The following EDRF1 variants were observed in gnomAD, a reference collection of about 807,000 sequenced individuals.
The protein encoded by EDRF1 is erythroid differentiation-related factor 1.
A neutral mutation model predicts 148.7 loss-of-function variants in EDRF1; 69 were observed. The observed-to-expected ratio is 0.46, with a 90% CI of 0.38 to 0.57. EDRF1 has a LOEUF of 0.57. Among genes scored for constraint, EDRF1 ranks in the 20% least tolerant of loss-of-function variants. EDRF1 has a pLI of 0.00. For synonymous variants in EDRF1, 515 were observed against 532.8 expected (o/e 0.97, Z 0.46); for missense variants, 1,118 against 1,478.7 (o/e 0.76, Z 4.00).
At chr10:125,755,256 A>G (rs1215861775) in intron 24 of EDRF1, among the ~76,000 whole-genome samples, 3 of 152,214 alleles carry the variant, frequency 2.0e-5, no homozygotes, top group Non-Finnish European at 4.4e-5. Flanking sequence ...ATTTATTGAG[A>G]TGACTACATG....
chr10:125,740,940 C>A, intron 16 of EDRF1, 61 bp from the exon 17 acceptor site: 1 of 1,521,130 alleles, frequency 6.6e-7, no homozygotes, highest in Non-Finnish European at 9.1e-7. Context: ...TTCATATTTC[C>A]TATGATCATT....
chr10:125,737,791 T>C lies in EDRF1; in HGVS notation c.1759-127T>C, dbSNP rs1848815268. On this transcript the variant is annotated intron_variant, in intron 13 of 24. Coordinates refer to ENST00000356792, the MANE Select transcript of EDRF1 (RefSeq NM_001202438.2). ...TTGTAAGTACTTAAAGCAACATATA[T>C]GTTGTAGGATCTTTTTAAGCAAGAT... The C allele has an allele frequency of 2.0e-5, 18 of 890,824 alleles. No homozygotes were observed. In the South Asian group the frequency reaches 2.1e-4, roughly 10 times the overall value. The allele number at this position is 890,824 out of a possible 1,614,324, so 55.2% of individuals were successfully genotyped here.
At position 125,740,517 on chromosome 10, in the gene EDRF1, C is replaced by G. The variant is rs1589844706; in HGVS notation, c.2036C>G (p.Ser679Cys). ...YSSQSGMIPG[S>C]WQHKMKLQLI... The stretch of plus-strand genomic sequence containing the variant: ...AGTCAATCTGGAATGATCCCTGGCT[C>G]TTGGCAACATAAAATGAAACTTCAG... The change falls in exon 16 of 25, where the codon TCT becomes TGT. Residue 679 changes from serine to cysteine, a missense_variant. Ser to Cys is a moderately radical substitution (Grantham distance 112). Transcript: ENST00000356792. 1 of 1,614,078 alleles carries G rather than the reference C, an allele frequency of 6.2e-7. No homozygotes were observed. Among genetic ancestry groups the G allele is most frequent in the Non-Finnish European group, 8.5e-7 (1 of 1,180,024 alleles).
intron 9 of EDRF1, among the ~76,000 whole-genome samples, chr10:125,732,156 G>A (rs12360026): frequency 6.6e-6 from 1 of 152,140 alleles, no homozygotes; most frequent in Non-Finnish European, 1.5e-5. Flanking sequence ...GTATGATTCT[G>A]GTTTGCAGTC....
intron 24 of EDRF1, among the ~76,000 whole-genome samples, chr10:125,755,370 CT>C (rs1490030838): frequency 1.3e-5 from 2 of 152,126 alleles, no homozygotes; most frequent in African/African-American, 4.8e-5. Context: ...ATGAAGGATT[CT>C]TTTTATGTAT....
At chr10:125,722,731 T>C (rs1848068486) in intron 2 of EDRF1, among the ~76,000 whole-genome samples, 1 of 152,198 alleles carries the variant, frequency 6.6e-6, no homozygotes, top group Non-Finnish European at 1.5e-5. Context: ...GAATAAAGTT[T>C]TGAACTATTT....
Position 125,738,005 on chromosome 10 carries a change from G to A in EDRF1, c.1830+16G>A. 6.2e-7 allele frequency: 1 copy of A among 1,612,106 alleles called. No individual in the cohort carries two copies. The highest frequency in any genetic ancestry group is 8.5e-7 in the Non-Finnish European group (1 of 1,178,298). On this transcript the variant is annotated intron_variant, in intron 14 of 24. Transcript: ENST00000356792. ...TGTTCTAGAGGTAAGTTTAAGTTTA[G>A]TCTTCACTTTTTTCGTAAAGTTTGT...
At chr10:125,725,659 T>G in intron 5 of EDRF1, 23 bp from the exon 6 acceptor site, 4 of 1,613,766 alleles carry the variant, frequency 2.5e-6, no homozygotes, top group Non-Finnish European at 3.4e-6. Context: ...ACAGCAATCC[T>G]TTTTTATTTC....
chr10:125,754,584 C>A (rs1486765984), intron 24 of EDRF1, among the ~76,000 whole-genome samples: 1 of 152,180 alleles, frequency 6.6e-6, no homozygotes, highest in Non-Finnish European at 1.5e-5. Flanking sequence ...GAGAGAAGAG[C>A]GCACACCTCC....
At chr10:125,730,956 C>A (rs1165909285) in intron 9 of EDRF1, among the ~76,000 whole-genome samples, 1 of 152,050 alleles carries the variant, frequency 6.6e-6, no homozygotes, top group African/African-American at 2.4e-5. Context: ...CCAACCTGGG[C>A]AACGTAGTGA....
At position 125,751,429 on chromosome 10, in the gene EDRF1, A is replaced by G. The variant is rs867080828; in HGVS notation, c.3278-1370A>G. 3.4e-5 allele frequency among the ~76,000 whole-genome samples: 4 copies of G among 117,566 alleles called. No individual in the cohort carries two copies. In the Admixed American group the frequency reaches 3.6e-4, roughly 11 times the overall value. 77.1% of individuals were successfully genotyped at this position (117,566 alleles called of 152,430 possible). ...GTTTTTTTTTTTGTTTTTTTTTTCT[A>G]GTACATATGATTCAGACCTCCCTTC... On this transcript the variant is annotated intron_variant, in intron 22 of 24. Coordinates refer to ENST00000356792, the MANE Select transcript of EDRF1 (RefSeq NM_001202438.2).
At chr10:125,729,820 C>T (rs1223067404) in intron 8 of EDRF1, among the ~76,000 whole-genome samples, 1 of 152,182 alleles carries the variant, frequency 6.6e-6, no homozygotes, top group Non-Finnish European at 1.5e-5. Context: ...CTGGCCTAGT[C>T]TTAGGTCTGA....
At chr10:125,749,265 G>T in intron 21 of EDRF1, 147 bp from the exon 22 acceptor site, 1 of 874,758 alleles carries the variant, frequency 1.1e-6, no homozygotes, top group Non-Finnish European at 1.8e-6. Flanking sequence ...AAAAAAGAAA[G>T]GAAATGGATT....
chr10:125,740,794 C>T (rs1848979286), intron 16 of EDRF1, 143 bp downstream of exon 16: 2 of 1,125,488 alleles, frequency 1.8e-6, no homozygotes, highest in Non-Finnish European at 2.6e-6. Context: ...TGTGTGTTAC[C>T]TTCTATTTTA....
At chr10:125,727,757 C>G (rs907356502) in intron 6 of EDRF1, among the ~76,000 whole-genome samples, 1 of 152,170 alleles carries the variant, frequency 6.6e-6, no homozygotes, top group Non-Finnish European at 1.5e-5. Flanking sequence ...AAGCAACACA[C>G]GCATGCCTGT....
intron 24 of EDRF1, among the ~76,000 whole-genome samples, chr10:125,759,458 A>G (rs767586281): frequency 2.0e-5 from 3 of 151,956 alleles, no homozygotes; most frequent in Non-Finnish European, 4.4e-5. Context: ...ATGAATAGAA[A>G]CTTCTTTCAA....
intron 3 of EDRF1, among the ~76,000 whole-genome samples, chr10:125,723,585 G>GT (rs1466044667): frequency 2.0e-5 from 3 of 152,118 alleles, no homozygotes; most frequent in African/African-American, 7.2e-5. Flanking sequence ...AAAAATAAAT[G>GT]TTTGACTGTC....
intron 12 of EDRF1, among the ~76,000 whole-genome samples, 170 bp downstream of exon 12, chr10:125,734,353 CAT>C (rs949397498): frequency 6.6e-6 from 1 of 152,082 alleles, no homozygotes; most frequent in Non-Finnish European, 1.5e-5. Context: ...TCTGAATTGA[CAT>C]GTGCTGTAAG....
At chr10:125,732,482 C>T (rs556127220) in intron 9 of EDRF1, among the ~76,000 whole-genome samples, 1 of 152,276 alleles carries the variant, frequency 6.6e-6, no homozygotes, top group South Asian at 2.1e-4. Flanking sequence ...GAAGCATCAT[C>T]TGCCTAGATA....
Sources: allele counts gnomAD v4.1 joint callset (sites outside exome capture counted in the v4.1 genomes callset), GRCh38; gene constraint gnomAD v4.1.1; transcripts MANE v1.5; gene names NCBI Gene and HGNC (gene_info 2026-07-23, HGNC 2026-07-21).